Variants in IQCM observed in about 807,000 individuals in gnomAD.
The protein encoded by IQCM is IQ domain-containing protein M.
Under a neutral mutation model 57.6 loss-of-function variants are expected in IQCM, and 45 were observed. That is an observed-to-expected ratio of 0.78 (90% CI 0.62 to 1.00). IQCM has a LOEUF of 1.00. IQCM is among the 50% of genes least tolerant of loss of function. The pLI is 0.00. For synonymous variants in IQCM, 148 were observed against 158.9 expected (o/e 0.93, Z 0.51); for missense variants, 468 against 511.6 (o/e 0.91, Z 0.82).
chr4:149,579,870 T>C (rs1752014499), intron 9 of IQCM, among the ~76,000 whole-genome samples: 1 of 151,740 alleles, frequency 6.6e-6, no homozygotes, highest in African/African-American at 2.4e-5. Flanking sequence ...TGAGATATCA[T>C]CAAGGGAATT....
At chr4:149,436,514 C>G (rs747444057) in intron 12 of IQCM, among the ~76,000 whole-genome samples, 4 of 151,994 alleles carry the variant, frequency 2.6e-5, no homozygotes, top group Non-Finnish European at 4.4e-5. Context: ...GTCAATGGAG[C>G]CTTGGAACTT....
chr4:149,352,201 G>T (rs1230603712), intron 13 of IQCM, 135 bp from the exon 14 acceptor site: 2 of 392,534 alleles, frequency 5.1e-6, no homozygotes, highest in Non-Finnish European at 9.0e-6. Context: ...CTGGACTTGG[G>T]CTCATTTCCT....
chr4:149,481,702 T>TTTTTTTTTTTTTTTTTTTG (rs1740853901), intron 12 of IQCM, among the ~76,000 whole-genome samples: 2 of 123,636 alleles, frequency 1.6e-5, no homozygotes, highest in African/African-American at 3.2e-5. Flanking sequence ...TCCAGTTTTG[T>TTTTTTTTTTTTTTTTTTTG]TTTTTTTTTT....
intron 12 of IQCM, among the ~76,000 whole-genome samples, chr4:149,439,513 A>C (rs2111318914): frequency 6.6e-6 from 1 of 152,196 alleles, no homozygotes; most frequent in Admixed American, 6.5e-5. Flanking sequence ...ATAGAATTAT[A>C]AGGATTCCTT....
intron 2 of IQCM, among the ~76,000 whole-genome samples, chr4:149,752,220 T>A (rs1428338975): frequency 6.6e-6 from 1 of 151,444 alleles, no homozygotes; most frequent in Non-Finnish European, 1.5e-5. Context: ...ACACATTGAG[T>A]AACTATTATC....
At chr4:149,811,561 C>A (rs1051997762) in intron 2 of IQCM, among the ~76,000 whole-genome samples, 2 of 152,122 alleles carry the variant, frequency 1.3e-5, no homozygotes, top group African/African-American at 4.8e-5. Context: ...CAAAGTTTAT[C>A]TTTGGCATTT....
intron 8 of IQCM, among the ~76,000 whole-genome samples, chr4:149,610,130 A>C (rs928987591): frequency 1.3e-5 from 2 of 151,840 alleles, no homozygotes; most frequent in African/African-American, 4.8e-5. Flanking sequence ...TTCTATTTAT[A>C]ATAGCCACAA....
chr4:149,530,982 C>T (rs1323795534), intron 12 of IQCM, among the ~76,000 whole-genome samples: 6 of 151,876 alleles, frequency 4.0e-5, no homozygotes, highest in Non-Finnish European at 7.4e-5. Flanking sequence ...GGTGGGCTAA[C>T]AAAAACTGGA....
chr4:149,565,601 G>A (rs942456476), intron 9 of IQCM, among the ~76,000 whole-genome samples: 4 of 152,122 alleles, frequency 2.6e-5, no homozygotes, highest in African/African-American at 9.7e-5. Context: ...ATGGAGATCA[G>A]CCCCAGATTA....
intron 13 of IQCM, among the ~76,000 whole-genome samples, chr4:149,368,973 TGTGTATATATATACAC>T (rs1730138031): frequency 7.1e-5 from 3 of 42,408 alleles, no homozygotes; most frequent in African/African-American, 7.5e-5. Context: ...TATATATATA[TGTGTATATATATACAC>T]GTGTATATAT....
At chr4:149,452,045 A>C (rs1479721135) in intron 12 of IQCM, among the ~76,000 whole-genome samples, 2 of 151,784 alleles carry the variant, frequency 1.3e-5, no homozygotes, top group Non-Finnish European at 2.9e-5. Context: ...ATATTTAAAA[A>C]TCAATTGTTT....
chr4:149,419,497 T>C (rs529984114), intron 13 of IQCM, among the ~76,000 whole-genome samples: 34 of 152,228 alleles, frequency 2.2e-4, no homozygotes, highest in Non-Finnish European at 3.8e-4. Context: ...TAACTCAAGA[T>C]TGATTTAAGA....
intron 2 of IQCM, among the ~76,000 whole-genome samples, chr4:149,770,904 T>C (rs925227436): frequency 6.6e-6 from 1 of 152,060 alleles, no homozygotes; most frequent in African/African-American, 2.4e-5. Context: ...ATACCTCTTC[T>C]ATAGTATTGT....
intron 12 of IQCM, among the ~76,000 whole-genome samples, chr4:149,510,505 A>G (rs1286392067): frequency 2.0e-5 from 3 of 152,320 alleles, no homozygotes; most frequent in East Asian, 1.9e-4. Context: ...TTGTAAAGAT[A>G]GTATAGGGAA....
chr4:149,589,285 CA>C (rs1300592450), intron 8 of IQCM, among the ~76,000 whole-genome samples: 2 of 151,918 alleles, frequency 1.3e-5, no homozygotes, highest in Admixed American at 1.3e-4. Context: ...AAGTCAGTAA[CA>C]AAAATTTATT....
chr4:149,478,657 G>A (rs577071949), intron 12 of IQCM, among the ~76,000 whole-genome samples: 6 of 152,206 alleles, frequency 3.9e-5, no homozygotes, highest in Admixed American at 6.5e-5. Context: ...AAGACAAGAC[G>A]CAGGAAATAG....
chr4:149,355,546 A>G (rs960754837), intron 13 of IQCM, among the ~76,000 whole-genome samples: 6 of 152,054 alleles, frequency 3.9e-5, no homozygotes, highest in Admixed American at 3.9e-4. Flanking sequence ...TTCCAGCTTC[A>G]TCCATGTCCC....
intron 12 of IQCM, among the ~76,000 whole-genome samples, chr4:149,488,104 A>G (rs1170600077): frequency 6.6e-6 from 1 of 152,116 alleles, no homozygotes; most frequent in Non-Finnish European, 1.5e-5. Context: ...ATATTTTATC[A>G]TGATATTTTA....
intron 2 of IQCM, among the ~76,000 whole-genome samples, chr4:149,804,085 C>T (rs1773861383): frequency 6.6e-6 from 1 of 151,890 alleles, no homozygotes; most frequent in South Asian, 2.1e-4. Context: ...GAGTATTTCC[C>T]TTTCCTCAAG....
Sources: allele counts gnomAD v4.1 joint callset (sites outside exome capture counted in the v4.1 genomes callset), GRCh38; gene constraint gnomAD v4.1.1; transcripts MANE v1.5; gene names NCBI Gene and HGNC (gene_info 2026-07-23, HGNC 2026-07-21).